CACNA2D3: variants seen among roughly 807,000 people sequenced by gnomAD.
CACNA2D3 encodes the protein voltage-dependent calcium channel subunit alpha-2/delta-3.
A neutral mutation model predicts 160.6 loss-of-function variants in CACNA2D3; 60 were observed. The ratio of observed to expected loss-of-function variants is 0.37; its 90% CI spans 0.30 to 0.46. The LOEUF (loss-of-function observed/expected upper bound fraction) is 0.46, where lower values mean the gene tolerates loss of function less well. Ranked by LOEUF, CACNA2D3 falls within the 20% of genes least tolerant of loss-of-function variation. CACNA2D3 has a pLI of 1.00. For synonymous variants in CACNA2D3, 558 were observed against 492.9 expected, an observed-to-expected ratio of 1.13 and a Z score of -1.75; for missense variants, 1,205 against 1,365.0, an observed-to-expected ratio of 0.88 and a Z score of 1.85.
chr3:55,058,520 C>T (rs3736480), intron 35 of CACNA2D3, among the ~76,000 whole-genome samples: 19,172 of 151,756 alleles, frequency 0.13, 2,208 homozygotes, highest in East Asian at 0.28. Context: ...AATTAATGAT[C>T]CTGGAAAAGT....
At chr3:54,535,375 A>C (rs1701873596) in intron 5 of CACNA2D3, among the ~76,000 whole-genome samples, 1 of 152,200 alleles carries the variant, frequency 6.6e-6, no homozygotes, top group Admixed American at 6.5e-5. Context: ...GAATAAGCAA[A>C]TATTCAGTGT....
intron 2 of CACNA2D3, among the ~76,000 whole-genome samples, chr3:54,154,867 C>T (rs1040371068): frequency 1.3e-5 from 2 of 152,032 alleles, no homozygotes; most frequent in African/African-American, 4.8e-5. Flanking sequence ...TGTCATGTTT[C>T]CTACGTTTCA....
At chr3:54,177,985 A>G (rs1320732708) in intron 2 of CACNA2D3, 1 of 152,176 alleles carries the variant, frequency 6.6e-6, no homozygotes, top group Non-Finnish European at 1.5e-5. Context: ...ATGGAAATAG[A>G]ATTAGGAGAT....
rs1381836200 is a variant in CACNA2D3, at chr3:54,806,161, C to T, written c.1381-10692C>T. Among the ~76,000 whole-genome samples the T allele has an allele frequency of 3.3e-5, 5 of 152,352 alleles. No homozygotes were observed. In the South Asian group the frequency reaches 1.0e-3, roughly 32 times the overall value. On this transcript the variant is annotated intron_variant, in intron 13 of 37. Coordinates refer to ENST00000474759, the MANE Select transcript of CACNA2D3 (RefSeq NM_018398.3). ...CTGACACAAGACAGAGATGCCCTCT[C>T]TCACCACTCCTATTCAACATAGTGT...
rs532103620 is a variant in CACNA2D3, at chr3:54,718,759, C to A, written c.1168-33840C>A. ...CGATTGAGTTGAATGTAAAAATCAA[C>A]TGAAGAAGGATTGACGTATCTTTAT... On this transcript the variant is annotated intron_variant, in intron 11 of 37. Coordinates refer to ENST00000474759, the MANE Select transcript of CACNA2D3 (RefSeq NM_018398.3). Among the ~76,000 whole-genome samples, 85 of 152,102 alleles carry A rather than the reference C, an allele frequency of 5.6e-4. 1 individual carries two copies. Among genetic ancestry groups the A allele is most frequent in the Non-Finnish European group, 1.0e-3 (69 of 67,918 alleles).
At chr3:54,473,776 T>C (rs1169236381) in intron 4 of CACNA2D3, among the ~76,000 whole-genome samples, 1 of 151,984 alleles carries the variant, frequency 6.6e-6, no homozygotes, top group East Asian at 1.9e-4. Context: ...AACAAACATA[T>C]GAAAAAAAGC....
chr3:55,044,244 T>C (rs1236308709), intron 35 of CACNA2D3, among the ~76,000 whole-genome samples: 1 of 152,250 alleles, frequency 6.6e-6, no homozygotes, highest in Non-Finnish European at 1.5e-5. Flanking sequence ...ATAAGCATGG[T>C]GTAACCATCT....
At chr3:54,611,444 G>A (rs1698747050) in intron 9 of CACNA2D3, among the ~76,000 whole-genome samples, 1 of 152,160 alleles carries the variant, frequency 6.6e-6, no homozygotes, top group Non-Finnish European at 1.5e-5. Context: ...TCCACAGATA[G>A]GGTCACCTTA....
intron 18 of CACNA2D3, among the ~76,000 whole-genome samples, chr3:54,877,666 A>G (rs993072605): frequency 2.0e-5 from 3 of 152,180 alleles, no homozygotes; most frequent in African/African-American, 7.2e-5. Flanking sequence ...GGGCAAGACT[A>G]AAGGAGGCAT....
In CACNA2D3 at chr3:54,465,553, G is replaced by A. The variant is rs1575471471; in HGVS notation, c.382-37939G>A. On this transcript the variant is annotated intron_variant, in intron 4 of 37. Coordinates refer to ENST00000474759, the MANE Select transcript of CACNA2D3 (RefSeq NM_018398.3). ...TTGGAACGTATCTCTGTGGATAAGA[G>A]TGGTCTACTGTACTCTTGGTTTATG... Among the ~76,000 whole-genome samples, 9 of 152,262 alleles carry A rather than the reference G, an allele frequency of 5.9e-5. No homozygotes were observed. In the South Asian group the frequency reaches 1.9e-3, roughly 32 times the overall value.
chr3:55,066,947 T>C (rs894226680), intron 35 of CACNA2D3, among the ~76,000 whole-genome samples: 1 of 152,094 alleles, frequency 6.6e-6, no homozygotes, highest in Non-Finnish European at 1.5e-5. Context: ...TTTATGAAGT[T>C]CAACCCTGCA....
intron 11 of CACNA2D3, among the ~76,000 whole-genome samples, chr3:54,657,542 G>T (rs1349203297): frequency 3.3e-5 from 5 of 152,078 alleles, no homozygotes; most frequent in African/African-American, 1.2e-4. Context: ...CTCTCTCCCT[G>T]CCGGCCCCTA....
chr3:54,787,393 G>A (rs1056516219), intron 13 of CACNA2D3, among the ~76,000 whole-genome samples: 1 of 152,076 alleles, frequency 6.6e-6, no homozygotes, highest in African/African-American at 2.4e-5. Flanking sequence ...TTAAGAATCT[G>A]GACCAGAAGC....
At chr3:54,406,948 A>G (rs1385054113) in intron 4 of CACNA2D3, among the ~76,000 whole-genome samples, 1 of 152,150 alleles carries the variant, frequency 6.6e-6, no homozygotes, top group Non-Finnish European at 1.5e-5. Context: ...TTTATTTTTT[A>G]AAAAAGGACA....
chr3:54,601,022 GC>G lies in CACNA2D3; in HGVS notation c.963+19146del, dbSNP rs971452073. On this transcript the variant is annotated intron_variant, in intron 9 of 37. Coordinates refer to ENST00000474759, the MANE Select transcript of CACNA2D3 (RefSeq NM_018398.3). ...AATCGGAATTGCACGATCCAGAGTG[GC>G]TAACCAAGACCACAGTCTTGCCACA... 2.8e-4 allele frequency among the ~76,000 whole-genome samples: 42 copies of G among 152,222 alleles called. 1 individual carries two copies. Among genetic ancestry groups the G allele is most frequent in the Middle Eastern group, 6.8e-3 (2 of 294 alleles).
intron 13 of CACNA2D3, among the ~76,000 whole-genome samples, chr3:54,769,759 T>A (rs1702285211): frequency 6.6e-6 from 1 of 152,234 alleles, no homozygotes; most frequent in Non-Finnish European, 1.5e-5. Context: ...GGGTCTCACA[T>A]AGTAGCTACA....
chr3:54,364,565 G>A (rs903866287), intron 3 of CACNA2D3, among the ~76,000 whole-genome samples: 18 of 152,318 alleles, frequency 1.2e-4, no homozygotes, highest in African/African-American at 4.1e-4. Context: ...TGTAGGTCAA[G>A]TTACTCCTTC....
chr3:54,835,050 G>C (rs1428516231), intron 14 of CACNA2D3, among the ~76,000 whole-genome samples: 2 of 152,200 alleles, frequency 1.3e-5, no homozygotes, highest in Non-Finnish European at 2.9e-5. Flanking sequence ...ACTGGCAGTT[G>C]CTCAAACAAC....
At chr3:54,811,153 C>T (rs1575489280) in intron 13 of CACNA2D3, among the ~76,000 whole-genome samples, 1 of 152,286 alleles carries the variant, frequency 6.6e-6, no homozygotes, top group East Asian at 1.9e-4. Context: ...CAGCTGCCTA[C>T]CCTACACCTC....
Sources: gnomAD v4.1 joint callset for allele counts (sites outside exome capture counted in the v4.1 genomes callset) on GRCh38, gnomAD v4.1.1 for gene constraint, MANE v1.5 for transcripts, NCBI Gene and HGNC (gene_info 2026-07-23, HGNC 2026-07-21) for gene names.